The following PEAK1 variants were observed in gnomAD, a reference collection of about 807,000 sequenced individuals.
PEAK1 encodes pseudopodium enriched atypical kinase 1.
A neutral mutation model predicts 124.7 loss-of-function variants in PEAK1; 54 were observed. The ratio of observed to expected loss-of-function variants is 0.43; its 90% confidence interval spans 0.35 to 0.54. PEAK1 has a LOEUF of 0.54. Among genes scored for constraint, PEAK1 ranks in the 20% least tolerant of loss-of-function variants. The probability of loss-of-function intolerance (pLI) is 0.01; values close to 1 mark genes in which losing one functional copy is unlikely to be tolerated. For missense variants in PEAK1, 2,046 were observed against 2,134.5 expected (o/e 0.96, Z 0.82); for synonymous variants, 719 against 760.0 (o/e 0.95, Z 0.89).
intron 5 of PEAK1, among the ~76,000 whole-genome samples, chr15:77,260,975 G>A (rs529724342): frequency 5.3e-5 from 8 of 152,322 alleles, no homozygotes; most frequent in Non-Finnish European, 1.0e-4. Context: ...AATATCTGCT[G>A]TTGTGCAGCC....
intron 6 of PEAK1, among the ~76,000 whole-genome samples, chr15:77,231,945 AAAAAC>A (rs946963468): frequency 5.3e-5 from 8 of 152,298 alleles, no homozygotes; most frequent in South Asian, 2.1e-4. Context: ...GTGAAATTTG[AAAAAC>A]AAAACAAAAC....
chr15:77,297,927 G>C (rs1408701483), intron 2 of PEAK1, among the ~76,000 whole-genome samples: 1 of 145,106 alleles, frequency 6.9e-6, no homozygotes, highest in African/African-American at 2.6e-5. Context: ...GCTTGGTGGC[G>C]GGCGCCTGTA....
At chr15:77,274,501 A>G (rs2062206366) in intron 5 of PEAK1, among the ~76,000 whole-genome samples, 1 of 152,136 alleles carries the variant, frequency 6.6e-6, no homozygotes, top group Non-Finnish European at 1.5e-5. Flanking sequence ...CAAAAAACAT[A>G]TGAAACAGTG....
At chr15:77,264,793 C>T (rs1023063491) in intron 5 of PEAK1, among the ~76,000 whole-genome samples, 5 of 151,982 alleles carry the variant, frequency 3.3e-5, no homozygotes, top group Admixed American at 2.6e-4. Context: ...GCCCGCATCG[C>T]CAAGTCAATC....
chr15:77,141,900 T>C (rs539661014), intron 8 of PEAK1, among the ~76,000 whole-genome samples: 45 of 152,198 alleles, frequency 3.0e-4, no homozygotes, highest in Non-Finnish European at 5.9e-4. Context: ...AGAAAAAACG[T>C]AGGAATAAAT....
At position 77,179,368 on chromosome 15, in the gene PEAK1, G is replaced by T. The variant is rs754466715; in HGVS notation, c.2559C>A (p.Pro853=). Reference sequence around the variant, plus strand: ...GGCTAGTCACTAATTTGGAGGGAGAGGGGGTGACTGGCTTTATGGATGGGT... The same window carrying T: ...GGCTAGTCACTAATTTGGAGGGAGATGGGGTGACTGGCTTTATGGATGGGT... ...QKDPSIKPVT[P]SPSKLVTSPQ... is the part of the protein sequence containing the mutation. The change falls in exon 7 of 10, where the codon CCC becomes CCA. Residue 853 remains proline (P), a synonymous_variant. Coordinates refer to ENST00000682557, the MANE Select transcript of PEAK1 (RefSeq NM_001385026.1). The T allele has an allele frequency of 5.0e-6, 8 of 1,614,084 alleles. No individual in the cohort carries two copies. The Admixed American group carries it at 8.3e-5, about 17-fold the overall frequency.
chr15:77,410,401 A>G (rs921491014), intron 1 of PEAK1, among the ~76,000 whole-genome samples: 2 of 152,160 alleles, frequency 1.3e-5, no homozygotes. Context: ...CTGGGATTAC[A>G]GGTGTGAGCC....
At chr15:77,167,903 A>G (rs2056223581) in intron 7 of PEAK1, among the ~76,000 whole-genome samples, 1 of 151,822 alleles carries the variant, frequency 6.6e-6, no homozygotes, top group African/African-American at 2.4e-5. Context: ...CCACCCCACG[A>G]CAGGCCCCGG....
chr15:77,297,630 G>C (rs915381271), intron 2 of PEAK1, among the ~76,000 whole-genome samples: 1 of 151,416 alleles, frequency 6.6e-6, no homozygotes, highest in Non-Finnish European at 1.5e-5. Context: ...ATGGTGGCAC[G>C]CACCTGTAAT....
At chr15:77,125,333 G>A (rs567149782) in intron 9 of PEAK1, among the ~76,000 whole-genome samples, 8 of 152,254 alleles carry the variant, frequency 5.3e-5, no homozygotes, top group South Asian at 4.1e-4. Flanking sequence ...TAGGTATAGC[G>A]TGCAACATGT....
In PEAK1 at chr15:77,200,431, A is replaced by G. The variant is rs545858405; in HGVS notation, c.-114-18391T>C. Among the ~76,000 whole-genome samples the G allele has an allele frequency of 2.0e-5, 3 of 152,292 alleles. No individual in the cohort carries two copies. In the South Asian group the frequency reaches 6.2e-4, roughly 32 times the overall value. On this transcript the variant is annotated intron_variant, in intron 6 of 9. Coordinates refer to ENST00000682557, the MANE Select transcript of PEAK1 (RefSeq NM_001385026.1). ...GTGGGGTCAGCATCCCAACCTCTAC[A>G]TTGTTCAAGGGTCAACTGTACATTC...
At chr15:77,136,876 G>T (rs111647920) in intron 8 of PEAK1, among the ~76,000 whole-genome samples, 1 of 152,182 alleles carries the variant, frequency 6.6e-6, no homozygotes, top group African/African-American at 2.4e-5. Flanking sequence ...CGGTCTTCAC[G>T]GCAGACCCTC....
chr15:77,418,283 T>TG, intron 1 of PEAK1: 1 of 985,326 alleles, frequency 1.0e-6, no homozygotes, highest in Non-Finnish European at 1.2e-6. Context: ...GGACAGGAGA[T>TG]GGGGGGTAGT....
At position 77,362,831 on chromosome 15, in the gene PEAK1, A is replaced by G. The variant is rs567557258; in HGVS notation, c.-603+2332T>C. 7.2e-4 allele frequency among the ~76,000 whole-genome samples: 106 copies of G among 147,674 alleles called. 1 individual carries two copies. Among genetic ancestry groups the G allele is most frequent in the Non-Finnish European group, 1.3e-3 (90 of 67,970 alleles). ...TAGATATTGTGGATGAAAAAAAAGA[A>G]AAAAAAGTGTGACTTTTTATTTTAT... On this transcript the variant is annotated intron_variant, in intron 2 of 9. Transcript: ENST00000682557.
intron 6 of PEAK1, among the ~76,000 whole-genome samples, chr15:77,182,627 C>T (rs946591513): frequency 6.6e-6 from 1 of 151,500 alleles, no homozygotes; most frequent in Admixed American, 6.6e-5. Flanking sequence ...TAGCACACAC[C>T]TATAGTTCCA....
chr15:77,131,107 A>T (rs1596294538), intron 9 of PEAK1, among the ~76,000 whole-genome samples: 2 of 152,360 alleles, frequency 1.3e-5, no homozygotes, highest in South Asian at 4.1e-4. Context: ...GTCTTGAAGA[A>T]GTGGGTTATC....
chr15:77,206,930 G>T (rs944154641), intron 6 of PEAK1, among the ~76,000 whole-genome samples: 1 of 151,982 alleles, frequency 6.6e-6, no homozygotes, highest in Non-Finnish European at 1.5e-5. Context: ...TAGATCAATG[G>T]AACAGAACAG....
intron 2 of PEAK1, among the ~76,000 whole-genome samples, chr15:77,344,285 G>A (rs1028698260): frequency 6.6e-6 from 1 of 151,988 alleles, no homozygotes; most frequent in Non-Finnish European, 1.5e-5. Flanking sequence ...TAGTAGAGAC[G>A]GGGTTTCACC....
At chr15:77,116,597 C>T (rs923266412) in intron 9 of PEAK1, among the ~76,000 whole-genome samples, 8 of 151,758 alleles carry the variant, frequency 5.3e-5, no homozygotes, top group South Asian at 2.1e-4. Context: ...GGAGTCTCAG[C>T]GGAGAAAAGC....
Sources: allele counts gnomAD v4.1 joint callset (sites outside exome capture counted in the v4.1 genomes callset), GRCh38; gene constraint gnomAD v4.1.1; transcripts MANE v1.5; gene names NCBI Gene and HGNC (gene_info 2026-07-23, HGNC 2026-07-21).